C1orf87: variants seen among roughly 807,000 people sequenced by gnomAD.
C1orf87 encodes the protein chromosome 1 open reading frame 87, also known as uncharacterized protein C1orf87.
C1orf87 carries 58 observed loss-of-function variants against 60.5 expected under a neutral mutation model. The observed-to-expected ratio is 0.96, with a 90% CI of 0.78 to 1.19. The LOEUF is 1.19. Ranked by LOEUF, C1orf87 falls within the 50% of genes most tolerant of loss-of-function variation. The probability of loss-of-function intolerance (pLI) is 0.00; values close to 1 mark genes in which losing one functional copy is unlikely to be tolerated. For synonymous variants in C1orf87, 236 were observed against 227.4 expected (o/e 1.04, Z -0.34); for missense variants, 673 against 638.6 (o/e 1.05, Z -0.58).
At chr1:60,013,851 C>T (rs969732866) in intron 8 of C1orf87, among the ~76,000 whole-genome samples, 4 of 152,072 alleles carry the variant, frequency 2.6e-5, no homozygotes, top group Admixed American at 1.3e-4. Flanking sequence ...CTCAGGCATA[C>T]ACCTGGTGCA....
At chr1:60,058,886 G>A (rs1295226519) in intron 2 of C1orf87, among the ~76,000 whole-genome samples, 2 of 152,164 alleles carry the variant, frequency 1.3e-5, no homozygotes, top group East Asian at 3.9e-4. Context: ...TCTTTTGGCA[G>A]GGAGTTAACT....
intron 3 of C1orf87, among the ~76,000 whole-genome samples, chr1:60,041,773 C>A (rs1251841205): frequency 6.6e-6 from 1 of 152,182 alleles, no homozygotes; most frequent in Non-Finnish European, 1.5e-5. Flanking sequence ...AGATGGCAAA[C>A]AACTGGCCTG....
intron 11 of C1orf87, among the ~76,000 whole-genome samples, chr1:59,996,649 G>T (rs1054781302): frequency 6.6e-6 from 1 of 152,076 alleles, no homozygotes; most frequent in Admixed American, 6.6e-5. Flanking sequence ...GCCAGAAAAG[G>T]CTACTTCATT....
At position 60,055,371 on chromosome 1, in the gene C1orf87, T is replaced by C. The variant is rs751653330; in HGVS notation, c.175A>G (p.Arg59Gly). The C allele has an allele frequency of 5.6e-6, 9 of 1,614,214 alleles. No homozygotes were observed. The South Asian group carries it at 8.8e-5, about 16-fold the overall frequency. Residue 59 changes from arginine to glycine, a missense_variant, in exon 3 of 12, where the codon AGG (arginine) becomes GGG (glycine). Arg to Gly is a moderately radical substitution (Grantham distance 125). Coordinates refer to ENST00000371201, the MANE Select transcript of C1orf87 (RefSeq NM_152377.3). ...ACTGGGGTGTCTCTGCTCATCTGCC[T>C]TGCATTATCAGTCATTGGTTTCTGG... ...MHQKPMTDNA[R>G]QMSRDTPVPI...
At position 60,039,947 on chromosome 1, in the gene C1orf87, C is replaced by T; in HGVS notation, c.717G>A (p.Gln239=). 6.2e-7 allele frequency: 1 copy of T among 1,613,962 alleles called. No individual in the cohort carries two copies. The highest frequency in any genetic ancestry group is 8.5e-7 in the Non-Finnish European group (1 of 1,179,970). ...CAGGAGAACCCCTCTTAGAAAATCTCTGACAAAGGATTTTAACTGTTGGTA... is the reference window on the plus strand; with the variant it reads ...CAGGAGAACCCCTCTTAGAAAATCTTTGACAAAGGATTTTAACTGTTGGTA... The part of the protein sequence containing the change: ...LQLPTVKILC[Q]RFSKRGSPEM... Residue 239 remains glutamine, a synonymous_variant, in exon 5 of 12, where the codon CAG becomes CAA. Coordinates refer to ENST00000371201, the MANE Select transcript of C1orf87 (RefSeq NM_152377.3).
rs558039272 is a variant in C1orf87 at position 60,053,548 on chromosome 1, G to A, written c.342+1656C>T. ...ACAGAACCATTAAAGATGATGCGTAGGATGATTTTTTTCATGCCAAGGGGA... is the reference window on the plus strand; with the variant it reads ...ACAGAACCATTAAAGATGATGCGTAAGATGATTTTTTTCATGCCAAGGGGA... On this transcript the variant is annotated intron_variant, in intron 3 of 11. Transcript: ENST00000371201. Among the ~76,000 whole-genome samples the A allele has an allele frequency of 3.3e-5, 5 of 151,502 alleles. No homozygotes were observed. The South Asian group carries it at 8.5e-4, about 26-fold the overall frequency.
intron 3 of C1orf87, among the ~76,000 whole-genome samples, chr1:60,052,570 C>T: frequency 6.6e-6 from 1 of 152,170 alleles, no homozygotes; most frequent in East Asian, 1.9e-4. Flanking sequence ...GTTTTACTTA[C>T]TTCCTACCAA....
At chr1:60,010,015 CTT>C (rs34236824) in intron 9 of C1orf87, among the ~76,000 whole-genome samples, 43 of 143,054 alleles carry the variant, frequency 3.0e-4, no homozygotes, top group Non-Finnish European at 4.9e-4. Context: ...TCTCACAGGT[CTT>C]TTTTTTTTTT....
intron 11 of C1orf87, among the ~76,000 whole-genome samples, chr1:59,994,353 C>T (rs1287558253): frequency 6.6e-6 from 1 of 151,674 alleles, no homozygotes; most frequent in Non-Finnish European, 1.5e-5. Flanking sequence ...GAGAGCTGGG[C>T]TTGAATTATG....
chr1:60,043,429 T>A (rs1337407028), intron 3 of C1orf87, among the ~76,000 whole-genome samples: 1 of 152,168 alleles, frequency 6.6e-6, no homozygotes, highest in Non-Finnish European at 1.5e-5. Context: ...GTTGCCAGGC[T>A]GGAGTACAGT....
intron 2 of C1orf87, among the ~76,000 whole-genome samples, chr1:60,062,304 G>C (rs1254160697): frequency 6.6e-6 from 1 of 151,760 alleles, no homozygotes; most frequent in Non-Finnish European, 1.5e-5. Flanking sequence ...TTTCCTATTG[G>C]GACCCAGACA....
rs764154130 is a variant in C1orf87 at position 59,990,440 on chromosome 1, GCT to G, written c.*231_*232del. The G allele has an allele frequency of 6.2e-4, 204 of 330,800 alleles. 1 individual carries two copies. The highest frequency in any genetic ancestry group is 9.4e-4 in the Non-Finnish European group (174 of 184,272). 20.5% of individuals were successfully genotyped at this position (330,800 alleles called of 1,614,324 possible). ...TTAAAACAGAAGGAGATTCTAAGTA[GCT>G]GGGTTCTTGCCACATCAAAAGATAA... On this transcript the variant is annotated 3_prime_UTR_variant, in exon 12 of 12. Transcript: ENST00000371201.
chr1:60,072,514 A>C (rs761173353), intron 2 of C1orf87, 23 bp downstream of exon 2: 1 of 1,512,128 alleles, frequency 6.6e-7, no homozygotes, highest in South Asian at 1.2e-5. Flanking sequence ...AGCAACATAG[A>C]TATTTTTCAA....
chr1:60,009,498 C>T (rs1190573507), intron 9 of C1orf87, among the ~76,000 whole-genome samples: 2 of 151,914 alleles, frequency 1.3e-5, no homozygotes, highest in South Asian at 4.1e-4. Flanking sequence ...TCACCATATT[C>T]TTTTTTATCC....
At chr1:60,030,692 T>C (rs996420836) in intron 7 of C1orf87, among the ~76,000 whole-genome samples, 8 of 152,214 alleles carry the variant, frequency 5.3e-5, no homozygotes, top group African/African-American at 1.9e-4. Context: ...ATGTCTTAGG[T>C]TCTACAACCC....
chr1:60,063,243 AGTT>A (rs1378029193), intron 2 of C1orf87, among the ~76,000 whole-genome samples: 3 of 152,182 alleles, frequency 2.0e-5, no homozygotes, highest in Non-Finnish European at 2.9e-5. Flanking sequence ...CTTATTGATC[AGTT>A]GTTTCTAAAA....
At chr1:59,991,487 T>C (rs1271819919) in intron 11 of C1orf87, among the ~76,000 whole-genome samples, 1 of 152,144 alleles carries the variant, frequency 6.6e-6, no homozygotes, top group Non-Finnish European at 1.5e-5. Flanking sequence ...AAATAGTTGT[T>C]ATACTGTGTT....
intron 11 of C1orf87, among the ~76,000 whole-genome samples, chr1:59,991,719 A>G (rs747995179): frequency 7.9e-5 from 12 of 152,170 alleles, no homozygotes; most frequent in Non-Finnish European, 1.5e-4. Context: ...GGTAATGTGT[A>G]TGACTGCAGG....
At chr1:60,057,532 G>A (rs986576069) in intron 2 of C1orf87, among the ~76,000 whole-genome samples, 1 of 152,182 alleles carries the variant, frequency 6.6e-6, no homozygotes, top group African/African-American at 2.4e-5. Context: ...CTGCAGAAAA[G>A]GAGAGGATAT....
Sources: gnomAD v4.1 joint callset for allele counts (sites outside exome capture counted in the v4.1 genomes callset) on GRCh38, gnomAD v4.1.1 for gene constraint, MANE v1.5 for transcripts, NCBI Gene and HGNC (gene_info 2026-07-23, HGNC 2026-07-21) for gene names.